TRPV3: variants seen among roughly 807,000 people sequenced by gnomAD.
TRPV3 encodes the protein VRL-3.
A neutral mutation model predicts 87.1 loss-of-function variants in TRPV3; 88 were observed. The observed-to-expected ratio is 1.01, with a 90% CI of 0.85 to 1.21. The LOEUF (loss-of-function observed/expected upper bound fraction) is 1.21, where lower values mean the gene tolerates loss of function less well. TRPV3 is among the 50% of genes most tolerant of loss of function. The pLI is 0.00. For synonymous variants in TRPV3, 438 were observed against 423.3 expected (o/e 1.03, Z -0.43); for missense variants, 1,054 against 1,030.1 (o/e 1.02, Z -0.32).
intron 16 of TRPV3, 123 bp downstream of exon 16, chr17:3,516,334 G>T: frequency 1.3e-6 from 1 of 762,012 alleles, no homozygotes; most frequent in South Asian, 1.7e-5. Context: ...GCCACTGGAA[G>T]AGACAGTAGC....
rs370160919 is a variant in TRPV3 at position 3,546,761 on chromosome 17, T to C, written c.120-1490A>G. ...GGGAGGTCAAAGTGGGCAGATCAGT[T>C]GAGGTCAGGAGTTTGAGGCCAATGC... On this transcript the variant is annotated intron_variant, in intron 2 of 17. Transcript: ENST00000576742. 1.3e-4 allele frequency: 59 copies of C among 439,128 alleles called. No homozygotes were observed. The East Asian group carries it at 4.0e-3, about 30-fold the overall frequency. 27.2% of individuals were successfully genotyped at this position (439,128 alleles called of 1,614,324 possible). A position where few individuals can be genotyped will look rare whatever the true frequency, so the allele number is the denominator to read the frequency against.
At chr17:3,535,509 C>T (rs1597481840) in intron 7 of TRPV3, 64 bp downstream of exon 7, 19 of 1,451,408 alleles carry the variant, frequency 1.3e-5, no homozygotes, top group Non-Finnish European at 1.7e-5. Context: ...CCCTTCCCTC[C>T]CTTCCTCTCC....
chr17:3,547,719 G>C (rs1228001507), intron 2 of TRPV3, among the ~76,000 whole-genome samples: 2 of 152,200 alleles, frequency 1.3e-5, no homozygotes, highest in Admixed American at 6.5e-5. Flanking sequence ...GCGGTGGAGG[G>C]GGGCAGCGGA....
At chr17:3,552,829 G>A (rs2150808669) in intron 2 of TRPV3, 1 of 152,406 alleles carries the variant, frequency 6.6e-6, no homozygotes, top group South Asian at 2.1e-4. Context: ...GGATGGGAAG[G>A]GGCAGGAGAG....
Position 3,513,785 on chromosome 17 carries a change from C to T in TRPV3, c.*132G>A. ...GTTCAGACACCCACTGAGCACTGAG[C>T]ACGAGGGTGCACTCTGCTTCTAGGC... On this transcript the variant is annotated 3_prime_UTR_variant, in exon 18 of 18. Transcript: ENST00000576742. 2 of 715,878 alleles carry T rather than the reference C, an allele frequency of 2.8e-6. No individual in the cohort carries two copies. The highest frequency in any genetic ancestry group is 4.8e-6 in the Non-Finnish European group (2 of 417,292). The allele number at this position is 715,878 out of a possible 1,614,324, so 44.3% of individuals were successfully genotyped here. A position where few individuals can be genotyped will look rare whatever the true frequency, so the allele number is the denominator to read the frequency against.
chr17:3,542,662 CCCGTGTCGGAGG>C lies in TRPV3; in HGVS notation c.491_502del (p.Ala164_Thr167del). The stretch of plus-strand genomic sequence containing the variant: ...CAAGGCCTTCATCAGGCAGGTCTTC[CCCGTGTCGGAGG>C]CCGTCAGCTTGTGCATGAGGAAGTC... On this transcript the variant is annotated inframe_deletion, in exon 6 of 18. Transcript: ENST00000576742. 1 of 1,614,092 alleles carries C rather than the reference CCCGTGTCGGAGG, an allele frequency of 6.2e-7. No individual in the cohort carries two copies. Among genetic ancestry groups the C allele is most frequent in the Non-Finnish European group, 8.5e-7 (1 of 1,179,988 alleles).
Position 3,543,692 on chromosome 17 carries a change from C to T in TRPV3, c.312-64G>A, listed in dbSNP as rs1174264940. ...CTCTCAAGCTCAATCTCTCCTTTTC[C>T]CCGCCAGAGCTGCCTACGGGGCGCT... is the stretch of plus-strand genomic sequence containing the variant. On this transcript the variant is annotated intron_variant, in intron 4 of 17. Transcript: ENST00000576742. 5 of 1,593,880 alleles carry T rather than the reference C, an allele frequency of 3.1e-6. No homozygotes were observed. In the Admixed American group the frequency reaches 6.7e-5, roughly 22 times the overall value.
chr17:3,516,430 AC>A (rs759968033), intron 16 of TRPV3, 26 bp downstream of exon 16: 2 of 1,588,012 alleles, frequency 1.3e-6, no homozygotes, highest in Non-Finnish European at 1.7e-6. Context: ...AAAGACCACC[AC>A]CCCAGGGCCC....
chr17:3,549,144 C>G (rs1051308977), intron 2 of TRPV3, among the ~76,000 whole-genome samples: 1 of 152,234 alleles, frequency 6.6e-6, no homozygotes, highest in Admixed American at 6.5e-5. Context: ...GACAGAGCTC[C>G]AAGCCCTATA....
rs1292431281 is a variant in TRPV3, at chr17:3,545,215, G to A, written c.176C>T (p.Thr59Ile). 2 of 1,614,016 alleles carry A rather than the reference G, an allele frequency of 1.2e-6. No individual in the cohort carries two copies. The highest frequency in any genetic ancestry group is 2.2e-5 in the East Asian group (1 of 44,878). Residue 59 changes from threonine (T) to isoleucine (I), a missense_variant, in exon 3 of 18, where the codon ACC becomes ATC. Thr to Ile is a moderately conservative substitution (Grantham distance 89). Transcript: ENST00000576742. ...GFEPNPTVAK[T>I]SPPVFSKPMD... ...GGGCTTGGAGAAGACAGGAGGAGAG[G>A]TCTTGGCAACTGTGGGGTTGGGTTC...
chr17:3,515,026 C>G (rs1468171079), intron 16 of TRPV3, among the ~76,000 whole-genome samples: 2 of 152,060 alleles, frequency 1.3e-5, no homozygotes, highest in African/African-American at 4.8e-5. Context: ...GCCCGGGCCA[C>G]GAGGGTGTGA....
At chr17:3,525,220 A>G (rs1000793403) in intron 12 of TRPV3, among the ~76,000 whole-genome samples, 29 of 152,180 alleles carry the variant, frequency 1.9e-4, no homozygotes, top group Non-Finnish European at 3.7e-4. Context: ...GGGTTTCACC[A>G]TGTTGGCCAG....
intron 12 of TRPV3, among the ~76,000 whole-genome samples, chr17:3,525,905 G>A (rs557848834): frequency 1.6e-4 from 24 of 152,248 alleles, no homozygotes; most frequent in South Asian, 4.1e-4. Flanking sequence ...ATGACCCATC[G>A]TGCCCGGCCC....
Position 3,524,183 on chromosome 17 carries a change from C to A in TRPV3, c.1743+15G>T. The A allele has an allele frequency of 1.2e-6, 2 of 1,612,198 alleles. No homozygotes were observed. The highest frequency in any genetic ancestry group is 2.2e-5 in the South Asian group (2 of 90,806). ...TCCTCCGAGGGCCCTCCCGCCGGCG[C>A]AGCTCTCAACGCACCTTCTGGATCA... On this transcript the variant is annotated intron_variant, in intron 13 of 17. Coordinates refer to ENST00000576742, the MANE Select transcript of TRPV3 (RefSeq NM_145068.4).
In TRPV3 at chr17:3,528,133, G is replaced by C. The variant is rs201139775; in HGVS notation, c.1402-7C>G. On this transcript the variant is annotated splice_polypyrimidine_tract_variant and splice_region_variant and intron_variant, in intron 10 of 17. Transcript: ENST00000576742. This position sits in a 1 kb window ranked among gnomAD's most constrained non-coding sequence, Gnocchi z 4.2. ...CCAAGGGGTGCGGGATGGCCTGCAG[G>C]GAAAGAAGAGGGGTGGTCAGTATAG... 88 of 1,608,526 alleles carry C rather than the reference G, an allele frequency of 5.5e-5. No individual in the cohort carries two copies. The highest frequency in any genetic ancestry group is 7.1e-5 in the Non-Finnish European group (84 of 1,176,754).
chr17:3,533,643 C>T (rs1442541004), intron 7 of TRPV3, among the ~76,000 whole-genome samples: 14 of 151,954 alleles, frequency 9.2e-5, no homozygotes, highest in African/African-American at 1.9e-4. Context: ...GGACTACAGG[C>T]GCCCGCCACC....
intron 16 of TRPV3, 32 bp from the exon 17 acceptor site, chr17:3,514,704 A>C (rs763991172): frequency 6.5e-7 from 1 of 1,527,208 alleles, no homozygotes; most frequent in African/African-American, 1.4e-5. Context: ...TTACTATTTC[A>C]CCAGTGCCTC....
At chr17:3,529,854 C>T (rs1237328522) in intron 9 of TRPV3, among the ~76,000 whole-genome samples, 173 bp downstream of exon 9, 1 of 145,310 alleles carries the variant, frequency 6.9e-6, no homozygotes, top group Non-Finnish European at 1.5e-5. Context: ...CAGCATCTGT[C>T]CCAGGCCTCG....
chr17:3,538,227 C>T (rs1486124508), intron 6 of TRPV3, among the ~76,000 whole-genome samples: 1 of 151,766 alleles, frequency 6.6e-6, no homozygotes, highest in Non-Finnish European at 1.5e-5. Context: ...TTTTAAAAGT[C>T]TATAATATAT....
Sources: allele counts gnomAD v4.1 joint callset (sites outside exome capture counted in the v4.1 genomes callset), GRCh38; gene constraint gnomAD v4.1.1; non-coding constraint Gnocchi (gnomAD v3.1); transcripts MANE v1.5; gene names NCBI Gene and HGNC (gene_info 2026-07-23, HGNC 2026-07-21).